EYA4: variants seen among roughly 807,000 people sequenced by gnomAD.
The protein encoded by EYA4 is EYA transcriptional coactivator and phosphatase 4.
EYA4 carries 31 observed loss-of-function variants against 87.9 expected under a neutral mutation model. The observed-to-expected ratio is 0.35, with a 90% CI of 0.27 to 0.48. The LOEUF is 0.48. Ranked by LOEUF, EYA4 falls within the 20% of genes least tolerant of loss-of-function variation. The pLI is 0.99. For missense variants in EYA4, 678 were observed against 761.4 expected, an observed-to-expected ratio of 0.89 and a Z score of 1.29; for synonymous variants, 263 against 270.6, an observed-to-expected ratio of 0.97 and a Z score of 0.28.
intron 3 of EYA4, among the ~76,000 whole-genome samples, chr6:133,413,663 C>T (rs1364014294): frequency 6.6e-6 from 1 of 152,044 alleles, no homozygotes; most frequent in Non-Finnish European, 1.5e-5. Flanking sequence ...TTTTTACTTA[C>T]CACACTTTTC....
chr6:133,249,849 T>C (rs906206622), intron 1 of EYA4, among the ~76,000 whole-genome samples: 4 of 152,250 alleles, frequency 2.6e-5, no homozygotes, highest in African/African-American at 9.6e-5. Flanking sequence ...AACATAGCCC[T>C]TGCCACATTG....
intron 2 of EYA4, among the ~76,000 whole-genome samples, chr6:133,327,860 G>A (rs1479718216): frequency 6.6e-6 from 1 of 152,216 alleles, no homozygotes; most frequent in East Asian, 1.9e-4. Flanking sequence ...GGAAGCCACT[G>A]TGATTGTCCA....
Position 133,530,058 on chromosome 6 carries a change from A to G in EYA4, c.*1253A>G. On this transcript the variant is annotated 3_prime_UTR_variant, in exon 20 of 20. Coordinates refer to ENST00000355286, the MANE Select transcript of EYA4 (RefSeq NM_004100.5). ...GGCAAAAATGATAATATCATCAGAA[A>G]TGGAAGGCAGTTCTCCCAGATGGTG... 1.0e-6 allele frequency: 1 copy of G among 985,230 alleles called. No individual in the cohort carries two copies. Among genetic ancestry groups the G allele is most frequent in the African/African-American group, 1.7e-5 (1 of 57,372 alleles). 61.0% of individuals were successfully genotyped at this position (985,230 alleles called of 1,614,324 possible).
At chr6:133,347,846 C>T (rs1783313893) in intron 2 of EYA4, among the ~76,000 whole-genome samples, 1 of 152,176 alleles carries the variant, frequency 6.6e-6, no homozygotes, top group Non-Finnish European at 1.5e-5. Flanking sequence ...TTAATTGGGG[C>T]TTCTCAGCTT....
chr6:133,259,772 C>T (rs531033212), intron 1 of EYA4, among the ~76,000 whole-genome samples: 1 of 152,288 alleles, frequency 6.6e-6, no homozygotes, highest in African/African-American at 2.4e-5. Context: ...TTTGGGACTT[C>T]TCCCTCCCCA....
chr6:133,415,124 G>T (rs919893066), intron 3 of EYA4, among the ~76,000 whole-genome samples: 2 of 152,106 alleles, frequency 1.3e-5, no homozygotes, highest in Admixed American at 1.3e-4. Flanking sequence ...CTCAGGCTTG[G>T]CTGCTATCAA....
chr6:133,286,080 C>T lies in EYA4; in HGVS notation c.33+11267C>T, dbSNP rs2128289619. Among the ~76,000 whole-genome samples the T allele has an allele frequency of 2.0e-5, 3 of 152,192 alleles. No homozygotes were observed. The East Asian group carries it at 5.8e-4, about 29-fold the overall frequency. ...TGTAAGGAGAAGTGATAATGTTGAT[C>T]ATTTTGAGAATGAGGCAGTGAGAAG... On this transcript the variant is annotated intron_variant, in intron 2 of 19. Coordinates refer to ENST00000355286, the MANE Select transcript of EYA4 (RefSeq NM_004100.5).
intron 11 of EYA4, among the ~76,000 whole-genome samples, chr6:133,469,671 T>G (rs529383660): frequency 4.6e-5 from 7 of 152,058 alleles, no homozygotes; most frequent in African/African-American, 1.2e-4. Flanking sequence ...GGATCTCAAC[T>G]TATATGCAAA....
chr6:133,401,784 C>T (rs544977607), intron 3 of EYA4, among the ~76,000 whole-genome samples: 1 of 151,980 alleles, frequency 6.6e-6, no homozygotes, highest in African/African-American at 2.4e-5. Flanking sequence ...ACAAATAACT[C>T]TAGAGAAATA....
At chr6:133,450,496 C>A (rs1339014838) in intron 5 of EYA4, among the ~76,000 whole-genome samples, 3 of 152,024 alleles carry the variant, frequency 2.0e-5, no homozygotes, top group African/African-American at 7.3e-5. Flanking sequence ...TCGAGATGTT[C>A]AAAAAGATTC....
intron 1 of EYA4, among the ~76,000 whole-genome samples, chr6:133,274,042 A>G (rs1317721686): frequency 6.6e-6 from 1 of 152,008 alleles, no homozygotes; most frequent in Admixed American, 6.6e-5. Context: ...ATATATGCCT[A>G]TTTTTCTTAG....
intron 3 of EYA4, among the ~76,000 whole-genome samples, chr6:133,396,898 C>T (rs947313390): frequency 6.6e-6 from 1 of 152,176 alleles, no homozygotes; most frequent in Non-Finnish European, 1.5e-5. Flanking sequence ...ACAGTGAGAA[C>T]CCCAAACTCC....
At chr6:133,309,790 C>A (rs374671337) in intron 2 of EYA4, among the ~76,000 whole-genome samples, 1 of 152,134 alleles carries the variant, frequency 6.6e-6, no homozygotes, top group African/African-American at 2.4e-5. Flanking sequence ...GAAGATTGCA[C>A]AATTAAACCC....
chr6:133,378,518 A>G (rs907056975), intron 2 of EYA4, among the ~76,000 whole-genome samples: 2 of 152,020 alleles, frequency 1.3e-5, no homozygotes, highest in Admixed American at 6.6e-5. Context: ...ATGTTTATGA[A>G]TTTTAGGTTC....
chr6:133,280,634 G>C (rs907522156), intron 2 of EYA4, among the ~76,000 whole-genome samples: 16 of 152,040 alleles, frequency 1.1e-4, no homozygotes, highest in African/African-American at 3.9e-4. Flanking sequence ...CTGACCTCAT[G>C]ATCTGCCTCG....
chr6:133,493,193 A>G (rs1562484557), intron 13 of EYA4, among the ~76,000 whole-genome samples: 1 of 152,202 alleles, frequency 6.6e-6, no homozygotes, highest in Non-Finnish European at 1.5e-5. Flanking sequence ...CTGACTTCAA[A>G]TTATAACACA....
At chr6:133,422,664 T>C (rs1170244880) in intron 3 of EYA4, among the ~76,000 whole-genome samples, 6 of 152,222 alleles carry the variant, frequency 3.9e-5, no homozygotes, top group African/African-American at 1.2e-4. Flanking sequence ...CAAGTTTTAA[T>C]AACAGTAAAT....
intron 2 of EYA4, among the ~76,000 whole-genome samples, chr6:133,362,049 A>ACC (rs1784486470): frequency 6.6e-6 from 1 of 152,240 alleles, no homozygotes. Flanking sequence ...TAACCACTAT[A>ACC]GGTAGAAACC....
intron 5 of EYA4, among the ~76,000 whole-genome samples, chr6:133,454,054 C>G (rs1340217414): frequency 6.6e-6 from 1 of 152,118 alleles, no homozygotes; most frequent in African/African-American, 2.4e-5. Flanking sequence ...AATTGGGTCT[C>G]AAAGTTGAAA....
Sources: gnomAD v4.1 joint callset for allele counts (sites outside exome capture counted in the v4.1 genomes callset) on GRCh38, gnomAD v4.1.1 for gene constraint, MANE v1.5 for transcripts, NCBI Gene and HGNC (gene_info 2026-07-23, HGNC 2026-07-21) for gene names.